The following THSD7B variants were observed in gnomAD, a reference collection of about 807,000 sequenced individuals.
THSD7B encodes thrombospondin type-1 domain-containing protein 7B.
In THSD7B, 138 loss-of-function variants were observed where a neutral mutation model predicts 213.6. The observed-to-expected ratio is 0.65, with a 90% CI of 0.56 to 0.74. THSD7B has a LOEUF of 0.74. Among genes scored for constraint, THSD7B ranks in the 30% least tolerant of loss-of-function variants. The pLI, the probability that THSD7B is intolerant of heterozygous loss-of-function variation, is 0.00. For missense variants in THSD7B, 1,931 were observed against 1,991.5 expected (o/e 0.97, Z 0.58); for synonymous variants, 742 against 687.0 (o/e 1.08, Z -1.25).
chr2:137,465,373 C>T (rs552064152), intron 15 of THSD7B, among the ~76,000 whole-genome samples: 8 of 152,126 alleles, frequency 5.3e-5, no homozygotes, highest in African/African-American at 1.4e-4. Flanking sequence ...AGTTGCCAAA[C>T]GTGGCTGCAC....
At chr2:137,652,674 G>GT (rs1683162855) in intron 21 of THSD7B, among the ~76,000 whole-genome samples, 1 of 151,978 alleles carries the variant, frequency 6.6e-6, no homozygotes, top group Admixed American at 6.6e-5. Flanking sequence ...TTCTCTGGTA[G>GT]TATGTTTTAA....
intron 3 of THSD7B, among the ~76,000 whole-genome samples, chr2:137,090,204 G>T (rs1011547859): frequency 1.4e-4 from 22 of 151,902 alleles, no homozygotes; most frequent in Non-Finnish European, 2.5e-4. Context: ...TAATTATTAT[G>T]TTTTTATATC....
chr2:136,851,175 T>G (rs554110543), intron 1 of THSD7B, among the ~76,000 whole-genome samples: 1 of 152,270 alleles, frequency 6.6e-6, no homozygotes, highest in South Asian at 2.1e-4. Flanking sequence ...CATATTCTTT[T>G]CATTTGAGGA....
intron 10 of THSD7B, among the ~76,000 whole-genome samples, chr2:137,250,650 G>T (rs189780683): frequency 1.3e-5 from 2 of 152,280 alleles, no homozygotes; most frequent in East Asian, 3.9e-4. Flanking sequence ...TGTGTATATG[G>T]ATAAAGTAGT....
intron 12 of THSD7B, among the ~76,000 whole-genome samples, chr2:137,314,794 G>T (rs1478793180): frequency 2.0e-5 from 3 of 152,184 alleles, no homozygotes; most frequent in African/African-American, 4.8e-5. Flanking sequence ...CCCCTGCTGG[G>T]GGTTGCCTCC....
At chr2:137,514,826 A>C (rs1377538556) in intron 15 of THSD7B, among the ~76,000 whole-genome samples, 1 of 152,142 alleles carries the variant, frequency 6.6e-6, no homozygotes, top group Admixed American at 6.5e-5. Context: ...GTGTTTGGTG[A>C]CTCTAAACAT....
chr2:137,150,242 CAA>C lies in THSD7B; in HGVS notation c.1370-9957_1370-9956del, dbSNP rs34325279. ...GGGCAACAAGAGTGAAATTCTGTCT[CAA>C]AAAAAAAAAAAAAGAAAAAGAAAAA... On this transcript the variant is annotated intron_variant, in intron 5 of 27. Transcript: ENST00000409968. Among the ~76,000 whole-genome samples, 216 of 129,322 alleles carry C rather than the reference CAA, an allele frequency of 1.7e-3. 1 individual carries two copies. The highest frequency in any genetic ancestry group is 7.9e-3 in the South Asian group (31 of 3,900). The allele number at this position is 129,322 out of a possible 152,430, so 84.8% of individuals were successfully genotyped here.
intron 12 of THSD7B, among the ~76,000 whole-genome samples, chr2:137,348,835 A>G (rs1335931361): frequency 6.7e-6 from 1 of 149,878 alleles, no homozygotes; most frequent in East Asian, 2.0e-4. Flanking sequence ...TTTCATTCCT[A>G]TTATCTTGAA....
chr2:136,949,607 C>T (rs146111914), intron 2 of THSD7B, among the ~76,000 whole-genome samples: 67 of 152,272 alleles, frequency 4.4e-4, no homozygotes, highest in African/African-American at 1.5e-3. Flanking sequence ...CGAGGAAAGC[C>T]AAGGAGGAAC....
chr2:137,544,983 T>C (rs982475723), intron 15 of THSD7B, among the ~76,000 whole-genome samples: 4 of 151,770 alleles, frequency 2.6e-5, no homozygotes, highest in Non-Finnish European at 4.4e-5. Flanking sequence ...TTCTCAATAA[T>C]GTATCAGGGG....
chr2:137,642,436 C>A, intron 20 of THSD7B, 52 bp from the exon 21 acceptor site: 2 of 1,603,896 alleles, frequency 1.2e-6, no homozygotes, highest in Admixed American at 1.7e-5. Context: ...TTCTTCAGGT[C>A]CCTTTCCAAG....
At chr2:137,561,614 T>C (rs1464776152) in intron 15 of THSD7B, among the ~76,000 whole-genome samples, 1 of 152,140 alleles carries the variant, frequency 6.6e-6, no homozygotes, top group Non-Finnish European at 1.5e-5. Flanking sequence ...TGCAGTCAGA[T>C]CAGCTAAACC....
intron 12 of THSD7B, among the ~76,000 whole-genome samples, chr2:137,404,668 C>G (rs1686468146): frequency 6.6e-6 from 1 of 150,504 alleles, no homozygotes; most frequent in African/African-American, 2.5e-5. Context: ...TGGAATATTA[C>G]TCAACCATAA....
At chr2:136,939,960 A>C (rs1236161462) in intron 2 of THSD7B, among the ~76,000 whole-genome samples, 2 of 152,174 alleles carry the variant, frequency 1.3e-5, no homozygotes, top group Non-Finnish European at 2.9e-5. Context: ...TGCAGAGTGC[A>C]GCACTTTTTA....
intron 1 of THSD7B, among the ~76,000 whole-genome samples, chr2:136,839,314 C>T (rs182096637): frequency 2.6e-5 from 4 of 152,208 alleles, no homozygotes; most frequent in Non-Finnish European, 4.4e-5. Flanking sequence ...TCTCCAGCCT[C>T]TGCTAATGAG....
chr2:137,636,039 A>G (rs1489926867), intron 20 of THSD7B, among the ~76,000 whole-genome samples: 1 of 152,120 alleles, frequency 6.6e-6, no homozygotes, highest in East Asian at 1.9e-4. Flanking sequence ...TTTTATTTGT[A>G]TAACCTTTGT....
intron 17 of THSD7B, among the ~76,000 whole-genome samples, chr2:137,585,714 T>G (rs1038647661): frequency 1.3e-5 from 2 of 152,230 alleles, no homozygotes; most frequent in Admixed American, 1.3e-4. Context: ...CAGTTTGTTA[T>G]AATATCTGTT....
chr2:137,250,479 C>G (rs1180431525), intron 10 of THSD7B, among the ~76,000 whole-genome samples: 2 of 152,132 alleles, frequency 1.3e-5, no homozygotes, highest in African/African-American at 4.8e-5. Flanking sequence ...AGAATTATTA[C>G]TCTATTTTAT....
At chr2:137,578,248 A>G (rs1573720678) in intron 17 of THSD7B, among the ~76,000 whole-genome samples, 2 of 152,310 alleles carry the variant, frequency 1.3e-5, no homozygotes, top group Non-Finnish European at 2.9e-5. Flanking sequence ...GACACAAAAT[A>G]CTGAAAAGAA....
Sources: gnomAD v4.1 joint callset for allele counts (sites outside exome capture counted in the v4.1 genomes callset) on GRCh38, gnomAD v4.1.1 for gene constraint, MANE v1.5 for transcripts, NCBI Gene and HGNC (gene_info 2026-07-23, HGNC 2026-07-21) for gene names.